The following SHISA9 variants were observed in gnomAD, a reference collection of about 807,000 sequenced individuals.
The protein encoded by SHISA9 is protein shisa-9.
Under a neutral mutation model 38.0 loss-of-function variants are expected in SHISA9, and 13 were observed. The ratio of observed to expected loss-of-function variants is 0.34; its 90% CI spans 0.22 to 0.54. The LOEUF (loss-of-function observed/expected upper bound fraction) is 0.54, where lower values mean the gene tolerates loss of function less well. Ranked by LOEUF, SHISA9 falls within the 20% of genes least tolerant of loss-of-function variation. SHISA9 has a pLI of 0.91. For missense variants in SHISA9, 538 were observed against 575.8 expected (o/e 0.93, Z 0.67); for synonymous variants, 275 against 242.0 (o/e 1.14, Z -1.27).
chr16:13,220,989 C>G (rs553280579), intron 4 of SHISA9, among the ~76,000 whole-genome samples: 4 of 151,778 alleles, frequency 2.6e-5, no homozygotes, highest in Non-Finnish European at 5.9e-5. Context: ...AGCAAAGGCT[C>G]CCTCCTCACT....
intron 2 of SHISA9, among the ~76,000 whole-genome samples, chr16:13,088,254 A>G (rs943285527): frequency 5.9e-5 from 9 of 152,248 alleles, no homozygotes; most frequent in Non-Finnish European, 1.2e-4. Context: ...GTCAGGTAGC[A>G]TGATGCCTCC....
intron 2 of SHISA9, among the ~76,000 whole-genome samples, chr16:13,164,716 T>C (rs1027276466): frequency 6.6e-6 from 1 of 152,100 alleles, no homozygotes; most frequent in Admixed American, 6.5e-5. Flanking sequence ...TCAAAATACA[T>C]TTTTATTTCC....
intron 2 of SHISA9, among the ~76,000 whole-genome samples, chr16:13,151,128 A>G (rs562252354): frequency 8.5e-4 from 129 of 152,202 alleles, no homozygotes; most frequent in Middle Eastern, 3.4e-3. Context: ...TTTATTTTAG[A>G]TGGAGTCTTG....
chr16:12,971,583 T>A (rs1162567055), intron 2 of SHISA9, among the ~76,000 whole-genome samples: 4 of 152,200 alleles, frequency 2.6e-5, no homozygotes, highest in Admixed American at 1.3e-4. Context: ...TGCTGTTTTT[T>A]AAACACTTTA....
At chr16:13,314,515 C>T in the SHISA9 span, among the ~76,000 whole-genome samples, 1 of 152,118 alleles carries the variant, frequency 6.6e-6, no homozygotes. Flanking sequence ...GCTGGGATTA[C>T]AGTCATGAAC....
the SHISA9 span, among the ~76,000 whole-genome samples, chr16:13,557,973 A>C: frequency 1.4e-4 from 21 of 152,300 alleles, no homozygotes; most frequent in African/African-American, 5.1e-4. Context: ...TAGGCTTCCG[A>C]TCACCTGATA....
At chr16:13,246,710 G>T in the SHISA9 span, among the ~76,000 whole-genome samples, 2 of 151,968 alleles carry the variant, frequency 1.3e-5, no homozygotes, top group Non-Finnish European at 2.9e-5. Flanking sequence ...ACCACCAACT[G>T]GACGTTATGT....
At chr16:13,220,277 G>C (rs2051210485) in intron 4 of SHISA9, among the ~76,000 whole-genome samples, 1 of 152,136 alleles carries the variant, frequency 6.6e-6, no homozygotes, top group Non-Finnish European at 1.5e-5. Flanking sequence ...TGGGTGACTT[G>C]ACTCTGCTCC....
intron 2 of SHISA9, among the ~76,000 whole-genome samples, chr16:13,187,633 C>A (rs1006586157): frequency 1.3e-5 from 2 of 152,212 alleles, no homozygotes; most frequent in African/African-American, 4.8e-5. Flanking sequence ...TTGCGCCCAG[C>A]CCATCTGGGG....
intron 3 of SHISA9, chr16:13,204,991 G>A (rs962039889): frequency 5.3e-5 from 8 of 152,148 alleles, no homozygotes; most frequent in African/African-American, 1.9e-4. Flanking sequence ...GGGTTCTATT[G>A]GATAGAAGCA....
At chr16:12,965,899 G>A (rs117723734) in intron 2 of SHISA9, among the ~76,000 whole-genome samples, 53 of 152,316 alleles carry the variant, frequency 3.5e-4, no homozygotes, top group Non-Finnish European at 7.1e-4. Flanking sequence ...AGCAAAGGGC[G>A]ATAAGTGCTT....
At chr16:13,528,587 A>C in the SHISA9 span, among the ~76,000 whole-genome samples, 1 of 151,930 alleles carries the variant, frequency 6.6e-6, no homozygotes, top group Admixed American at 6.6e-5. Flanking sequence ...ATTTTTTTGG[A>C]GGTCATAGAA....
At chr16:13,217,677 AT>A (rs1207104012) in intron 4 of SHISA9, among the ~76,000 whole-genome samples, 1 of 152,182 alleles carries the variant, frequency 6.6e-6, no homozygotes, top group Non-Finnish European at 1.5e-5. Flanking sequence ...CAAAGTCTCC[AT>A]TTATCTCTGC....
chr16:13,044,953 G>A (rs545758605), intron 2 of SHISA9, among the ~76,000 whole-genome samples: 17 of 152,282 alleles, frequency 1.1e-4, no homozygotes, highest in Middle Eastern at 3.4e-3. Context: ...ATTCCAGGGC[G>A]CAGCTTGGTG....
chr16:13,416,159 A>T, the SHISA9 span, among the ~76,000 whole-genome samples: 1 of 152,240 alleles, frequency 6.6e-6, no homozygotes, highest in Non-Finnish European at 1.5e-5. Context: ...AAAAAATAAA[A>T]TTCACACAAA....
chr16:13,213,366 G>C, intron 4 of SHISA9, 66 bp downstream of exon 4: 2 of 1,433,598 alleles, frequency 1.4e-6, no homozygotes, highest in South Asian at 2.5e-5. Flanking sequence ...AATAATGAAG[G>C]GATAGAGAGT....
chr16:13,135,426 T>C (rs779851190), intron 2 of SHISA9, among the ~76,000 whole-genome samples: 12 of 152,176 alleles, frequency 7.9e-5, no homozygotes, highest in Admixed American at 2.6e-4. Flanking sequence ...TCATAGTCTT[T>C]CCAGGGCAGC....
At chr16:12,974,629 G>T (rs2072132248) in intron 2 of SHISA9, among the ~76,000 whole-genome samples, 1 of 151,754 alleles carries the variant, frequency 6.6e-6, no homozygotes, top group South Asian at 2.1e-4. Flanking sequence ...GGGATTACAG[G>T]CACCCACCAC....
At chr16:13,356,682 C>T in the SHISA9 span, among the ~76,000 whole-genome samples, 314 of 152,028 alleles carry the variant, frequency 2.1e-3, 1 homozygote, top group Admixed American at 6.2e-3. Context: ...AAAGACTCAG[C>T]GACGCTTGGG....
Sources: allele counts gnomAD v4.1 joint callset (sites outside exome capture counted in the v4.1 genomes callset), GRCh38; gene constraint gnomAD v4.1.1; transcripts MANE v1.5; gene names NCBI Gene and HGNC (gene_info 2026-07-23, HGNC 2026-07-21).